LRRC38: variants seen among roughly 807,000 people sequenced by gnomAD.
LRRC38 encodes leucine rich repeat containing 38.
Under a neutral mutation model 16.4 loss-of-function variants are expected in LRRC38, and 5 were observed. The ratio of observed to expected loss-of-function variants is 0.31; its 90% confidence interval spans 0.16 to 0.64. LRRC38 has a LOEUF of 0.64. Ranked by LOEUF, LRRC38 falls within the 30% of genes least tolerant of loss-of-function variation. LRRC38 has a pLI of 0.80. For missense variants in LRRC38, 341 were observed against 401.8 expected (o/e 0.85, Z 1.29); for synonymous variants, 191 against 190.2 (o/e 1.00, Z -0.04).
rs116195156 is a variant in LRRC38 at position 13,499,987 on chromosome 1, A to T, written c.631+12976T>A. On this transcript the variant is annotated intron_variant, in intron 1 of 1. Transcript: ENST00000376085. The stretch of plus-strand genomic sequence containing the variant: ...AAAGATTGGCTGGGCTTGGTCTCTC[A>T]TGCCTGTAATCCCAGCACTTTGGGA... Among the ~76,000 whole-genome samples, 669 of 152,216 alleles carry T rather than the reference A, an allele frequency of 4.4e-3. 6 individuals carry two copies. Among genetic ancestry groups the T allele is most frequent in the African/African-American group, 0.016 (650 of 41,528 alleles).
At chr1:13,481,484 T>C (rs939176938) in intron 1 of LRRC38, among the ~76,000 whole-genome samples, 69 of 151,770 alleles carry the variant, frequency 4.5e-4, no homozygotes, top group African/African-American at 1.5e-3. Flanking sequence ...CTCTGCCTCC[T>C]GGGTTCACGC....
At chr1:13,492,239 AAGT>A (rs1639022024) in intron 1 of LRRC38, among the ~76,000 whole-genome samples, 1 of 152,244 alleles carries the variant, frequency 6.6e-6, no homozygotes, top group Non-Finnish European at 1.5e-5. Flanking sequence ...TAATTTCACA[AAGT>A]AGAATAATGT....
intron 1 of LRRC38, among the ~76,000 whole-genome samples, chr1:13,495,163 C>T (rs907214477): frequency 2.0e-5 from 3 of 152,150 alleles, no homozygotes; most frequent in Non-Finnish European, 1.5e-5. Flanking sequence ...CAAATATTCA[C>T]GAAGGAAAGA....
intron 1 of LRRC38, among the ~76,000 whole-genome samples, chr1:13,500,125 C>T (rs528258881): frequency 5.9e-5 from 9 of 151,948 alleles, no homozygotes; most frequent in Admixed American, 2.6e-4. Context: ...GTAGCATGTG[C>T]GCGCCTATAA....
At chr1:13,484,124 C>T (rs1569913046) in intron 1 of LRRC38, among the ~76,000 whole-genome samples, 1 of 152,144 alleles carries the variant, frequency 6.6e-6, no homozygotes, top group South Asian at 2.1e-4. Context: ...CCTTGCTTGC[C>T]GTTCCTCAAA....
chr1:13,493,297 G>C (rs1002225616), intron 1 of LRRC38, among the ~76,000 whole-genome samples: 5 of 152,146 alleles, frequency 3.3e-5, no homozygotes, highest in Non-Finnish European at 7.3e-5. Context: ...ACCAGGGCCA[G>C]GGTTGTGGTA....
intron 1 of LRRC38, among the ~76,000 whole-genome samples, chr1:13,512,664 G>A (rs1250317952): frequency 1.3e-5 from 2 of 152,130 alleles, no homozygotes; most frequent in Non-Finnish European, 2.9e-5. Context: ...CCAGTCCTAG[G>A]ACCCAAAGCC....
intron 1 of LRRC38, among the ~76,000 whole-genome samples, chr1:13,495,070 A>G (rs1639066276): frequency 6.6e-6 from 1 of 152,238 alleles, no homozygotes; most frequent in South Asian, 2.1e-4. Context: ...GGGGATAGAT[A>G]TGATATGAGA....
At chr1:13,506,606 C>T (rs1215758782) in intron 1 of LRRC38, among the ~76,000 whole-genome samples, 6 of 152,146 alleles carry the variant, frequency 3.9e-5, no homozygotes, top group East Asian at 1.9e-4. Flanking sequence ...TACAGGTGCA[C>T]GCCACCGTGC....
At chr1:13,483,751 G>A (rs905543603) in intron 1 of LRRC38, among the ~76,000 whole-genome samples, 1 of 152,184 alleles carries the variant, frequency 6.6e-6, no homozygotes, top group South Asian at 2.1e-4. Flanking sequence ...TGAAATAAGG[G>A]AATATCTGAA....
At position 13,511,808 on chromosome 1, in the gene LRRC38, G is replaced by A. The variant is rs76229208; in HGVS notation, c.631+1155C>T. On this transcript the variant is annotated intron_variant, in intron 1 of 1. Transcript: ENST00000376085. ...TTAGGAATTTCAGCCAGCCTGGGCT[G>A]AAAGTGATGGCTCAGGGGCCTGCAT... 5.3e-3 allele frequency among the ~76,000 whole-genome samples: 808 copies of A among 152,282 alleles called. 7 individuals are homozygous for A. Among genetic ancestry groups the A allele is most frequent in the African/African-American group, 0.018 (756 of 41,558 alleles).
At chr1:13,492,170 G>A (rs766117325) in intron 1 of LRRC38, among the ~76,000 whole-genome samples, 26 of 152,104 alleles carry the variant, frequency 1.7e-4, no homozygotes, top group Non-Finnish European at 3.5e-4. Flanking sequence ...TCTTCTGTGA[G>A]TTTGACTACT....
intron 1 of LRRC38, among the ~76,000 whole-genome samples, chr1:13,506,884 T>A (rs893862363): frequency 1.3e-5 from 2 of 152,234 alleles, no homozygotes; most frequent in African/African-American, 4.8e-5. Context: ...CCACTTGGCT[T>A]AAAGGGCTTA....
chr1:13,481,744 TGCCTCTCACTTTCTTTCC>T (rs1557495143), intron 1 of LRRC38, among the ~76,000 whole-genome samples: 3 of 147,826 alleles, frequency 2.0e-5, no homozygotes, highest in Middle Eastern at 6.9e-3. Flanking sequence ...AATCTGTCTC[TGCCTCTCACTTTCTTTCC>T]CTCTCTCTCC....
intron 1 of LRRC38, among the ~76,000 whole-genome samples, chr1:13,503,492 C>A (rs1225907449): frequency 3.3e-5 from 5 of 152,232 alleles, no homozygotes; most frequent in Non-Finnish European, 1.5e-5. Context: ...TGGTCTCGAT[C>A]TGCTGACCTC....
At chr1:13,504,025 A>C (rs1328064004) in intron 1 of LRRC38, among the ~76,000 whole-genome samples, 1 of 152,254 alleles carries the variant, frequency 6.6e-6, no homozygotes, top group Non-Finnish European at 1.5e-5. Context: ...GTGGGTTGTC[A>C]CACGTTTGGG....
At chr1:13,482,563 G>A (rs1437300084) in intron 1 of LRRC38, among the ~76,000 whole-genome samples, 2 of 140,662 alleles carry the variant, frequency 1.4e-5, no homozygotes, top group African/African-American at 2.7e-5. Context: ...TTGCGCTACC[G>A]AATAAGACTC....
At chr1:13,490,252 G>A (rs370436849) in intron 1 of LRRC38, among the ~76,000 whole-genome samples, 21 of 152,076 alleles carry the variant, frequency 1.4e-4, no homozygotes, top group African/African-American at 4.1e-4. Flanking sequence ...TCCGCCTCTC[G>A]GGTTCAAGCG....
intron 1 of LRRC38, among the ~76,000 whole-genome samples, chr1:13,484,563 C>T (rs1262590542): frequency 6.6e-6 from 1 of 152,236 alleles, no homozygotes; most frequent in Non-Finnish European, 1.5e-5. Context: ...GCTGGACCGG[C>T]ACAGGCCCCT....
Sources: allele counts gnomAD v4.1 joint callset (sites outside exome capture counted in the v4.1 genomes callset), GRCh38; gene constraint gnomAD v4.1.1; transcripts MANE v1.5; gene names NCBI Gene and HGNC (gene_info 2026-07-23, HGNC 2026-07-21).